ENPP3: variants seen among roughly 807,000 people sequenced by gnomAD.
ENPP3 encodes ectonucleotide pyrophosphatase/phosphodiesterase family member 3.
In ENPP3, 104 loss-of-function variants were observed where a neutral mutation model predicts 117.8. The observed-to-expected ratio is 0.88, with a 90% confidence interval of 0.75 to 1.04. The LOEUF is 1.04. Among genes scored for constraint, ENPP3 ranks in the 50% least tolerant of loss-of-function variants. The probability of loss-of-function intolerance (pLI) is 0.00; values close to 1 mark genes in which losing one functional copy is unlikely to be tolerated. For synonymous variants in ENPP3, 380 were observed against 349.9 expected, an observed-to-expected ratio of 1.09 and a Z score of -0.96; for missense variants, 1,026 against 1,051.9, an observed-to-expected ratio of 0.98 and a Z score of 0.34.
chr6:131,650,491 G>A (rs1271461494), intron 3 of ENPP3, among the ~76,000 whole-genome samples: 1 of 152,152 alleles, frequency 6.6e-6, no homozygotes, highest in African/African-American at 2.4e-5. Flanking sequence ...CCAAAGTGCT[G>A]GGATTATAGG....
intron 21 of ENPP3, among the ~76,000 whole-genome samples, chr6:131,734,452 C>T (rs1387556274): frequency 1.3e-5 from 2 of 151,992 alleles, no homozygotes; most frequent in Non-Finnish European, 2.9e-5. Flanking sequence ...TTAAAGATTC[C>T]GAAATGTATA....
chr6:131,737,165 T>C (rs1047706611), intron 21 of ENPP3, among the ~76,000 whole-genome samples, 190 bp from the exon 22 acceptor site: 3 of 152,220 alleles, frequency 2.0e-5, no homozygotes, highest in African/African-American at 7.2e-5. Flanking sequence ...ATGTATCTTT[T>C]TTGGATCACA....
chr6:131,674,060 G>A lies in ENPP3; in HGVS notation c.643-102G>A, dbSNP rs1390550075. On this transcript the variant is annotated intron_variant, in intron 7 of 24. Coordinates refer to ENST00000357639, the MANE Select transcript of ENPP3 (RefSeq NM_005021.5). ...GGTGTTTTACATTGAAAGGTATATA[G>A]TACCTTTCTTAGGTATGAGTAATAG... The A allele has an allele frequency of 1.9e-5, 13 of 694,798 alleles. 1 individual carries two copies. Among genetic ancestry groups the A allele is most frequent in the Non-Finnish European group, 3.1e-5 (13 of 412,826 alleles). 43.0% of individuals were successfully genotyped at this position (694,798 alleles called of 1,614,324 possible).
At chr6:131,694,778 G>A (rs367967154) in intron 15 of ENPP3, among the ~76,000 whole-genome samples, 23 of 150,684 alleles carry the variant, frequency 1.5e-4, no homozygotes, top group African/African-American at 5.4e-4. Context: ...AGGTTGCAGT[G>A]AGCCAAGATC....
At chr6:131,665,013 T>A (rs1050926648) in intron 6 of ENPP3, among the ~76,000 whole-genome samples, 5 of 152,178 alleles carry the variant, frequency 3.3e-5, no homozygotes, top group African/African-American at 1.2e-4. Context: ...AATGATCATG[T>A]AATTTTTATC....
Position 131,709,670 on chromosome 6 carries a change from A to G in ENPP3, c.1413-9002A>G, listed in dbSNP as rs764299911. 6.2e-6 allele frequency: 10 copies of G among 1,613,178 alleles called. No homozygotes were observed. The highest frequency in any genetic ancestry group is 7.6e-6 in the Non-Finnish European group (9 of 1,179,694). On this transcript the variant is annotated intron_variant, in intron 15 of 24. Coordinates refer to ENST00000357639, the MANE Select transcript of ENPP3 (RefSeq NM_005021.5). ...TAGGAAATAACCTGCTTTTGATAAA[A>G]ATGAACAGTTCTCTCCAATTCTTCT...
intron 6 of ENPP3, among the ~76,000 whole-genome samples, chr6:131,664,497 A>C (rs577725324): frequency 1.3e-5 from 2 of 152,308 alleles, no homozygotes; most frequent in East Asian, 3.9e-4. Flanking sequence ...TTATTGAAAA[A>C]AATACATTTT....
chr6:131,662,930 A>C (rs1778533857), intron 6 of ENPP3, among the ~76,000 whole-genome samples: 1 of 152,130 alleles, frequency 6.6e-6, no homozygotes, highest in Admixed American at 6.6e-5. Flanking sequence ...ATTTCTAAGA[A>C]TTTCATTATT....
At position 131,641,483 on chromosome 6, in the gene ENPP3, C is replaced by A; in HGVS notation, c.107C>A (p.Ser36Ter). 6.2e-7 allele frequency: 1 copy of A among 1,612,242 alleles called. No homozygotes were observed. Among genetic ancestry groups the A allele is most frequent in the Non-Finnish European group, 8.5e-7 (1 of 1,178,650 alleles). The change falls in exon 2 of 25, where the codon TCA becomes TAA. Residue 36 changes from serine to a stop codon, truncating the protein, a stop_gained. Coordinates refer to ENST00000357639, the MANE Select transcript of ENPP3 (RefSeq NM_005021.5). LOFTEE classifies it high-confidence loss of function. ...CTTCTTGCTTTGCTGGTGATCATGT[C>A]ACTTGGATTAGGCCTGGGGCTTGGA... ...IVLLALLVIM[S>*]LGLGLGLGLR... is the part of the protein sequence containing the mutation.
At chr6:131,690,063 G>T (rs1456229687) in intron 14 of ENPP3, among the ~76,000 whole-genome samples, 1 of 152,190 alleles carries the variant, frequency 6.6e-6, no homozygotes, top group East Asian at 1.9e-4. Context: ...AAAGAAAGCG[G>T]TTTCTTGAGA....
intron 6 of ENPP3, among the ~76,000 whole-genome samples, chr6:131,667,332 G>A (rs77530512): frequency 5.0e-4 from 76 of 152,212 alleles, no homozygotes; most frequent in African/African-American, 1.8e-3. Context: ...GGTAAAGTTG[G>A]GGCATTGGAC....
Position 131,733,691 on chromosome 6 carries a change from A to G in ENPP3, c.2057A>G (p.Lys686Arg). The G allele has an allele frequency of 6.2e-7, 1 of 1,614,106 alleles. No homozygotes were observed. The part of the protein sequence containing the change: ...SQKCSFYLAD[K>R]NITHGFLYPP... The stretch of plus-strand genomic sequence containing the variant: ...AAATGTTCCTTCTATTTAGCAGACA[A>G]GAATATCACCCACGGCTTCCTCTAT... The change falls in exon 21 of 25, where the codon AAG becomes AGG. Residue 686 changes from lysine to arginine, a missense_variant. By Grantham distance (26) the Lys-to-Arg change is conservative. Transcript: ENST00000357639.
intron 2 of ENPP3, among the ~76,000 whole-genome samples, chr6:131,646,272 C>CTGTGTGTGTGTG (rs1483534879): frequency 7.2e-5 from 9 of 125,016 alleles, no homozygotes; most frequent in African/African-American, 2.9e-4. Flanking sequence ...GCTCTCAATA[C>CTGTGTGTGTGTG]TCTGTGTGTG....
rs370229998 is a variant in ENPP3, at chr6:131,650,575, A to G, written c.277+426A>G. 1.7e-4 allele frequency among the ~76,000 whole-genome samples: 26 copies of G among 152,326 alleles called. 1 individual carries two copies. In the South Asian group the frequency reaches 4.8e-3, roughly 28 times the overall value. On this transcript the variant is annotated intron_variant, in intron 3 of 24. Transcript: ENST00000357639. ...TGTGTATTAGTTTCCTAAGGCTGCC[A>G]TGACAAAGTACCACAGACTGGGTGG...
At chr6:131,675,009 G>A (rs1778834477) in intron 8 of ENPP3, 71 bp from the exon 9 acceptor site, 8 of 862,764 alleles carry the variant, frequency 9.3e-6, no homozygotes, top group Non-Finnish European at 1.4e-5. Context: ...ATCTTGTTTA[G>A]TTTCTAGTAA....
At chr6:131,741,869 A>C (rs1013332337) in intron 24 of ENPP3, among the ~76,000 whole-genome samples, 1 of 152,180 alleles carries the variant, frequency 6.6e-6, no homozygotes, top group Non-Finnish European at 1.5e-5. Context: ...GGATTCATCT[A>C]TATTCTTTCA....
intron 17 of ENPP3, among the ~76,000 whole-genome samples, chr6:131,721,574 T>C (rs994216083): frequency 6.6e-6 from 1 of 151,966 alleles, no homozygotes; most frequent in Non-Finnish European, 1.5e-5. Flanking sequence ...AACATGCAAA[T>C]TGTATGTTTC....
At chr6:131,647,501 A>G (rs1347526096) in intron 2 of ENPP3, among the ~76,000 whole-genome samples, 1 of 152,182 alleles carries the variant, frequency 6.6e-6, no homozygotes, top group Non-Finnish European at 1.5e-5. Context: ...CAAAGGATGT[A>G]AAGATTTTTT....
chr6:131,676,903 C>T (rs750533321), intron 10 of ENPP3, 102 bp downstream of exon 10: 179 of 749,414 alleles, frequency 2.4e-4, no homozygotes, highest in Non-Finnish European at 3.6e-4. Context: ...TGGCTATTTT[C>T]GAAACGACGT....
Sources: gnomAD v4.1 joint callset for allele counts (sites outside exome capture counted in the v4.1 genomes callset) on GRCh38, gnomAD v4.1.1 for gene constraint, MANE v1.5 for transcripts, NCBI Gene and HGNC (gene_info 2026-07-23, HGNC 2026-07-21) for gene names.